MARCHF11: variants seen among roughly 807,000 people sequenced by gnomAD.
MARCHF11 encodes membrane associated ring-CH-type finger 11, also known as E3 ubiquitin-protein ligase MARCHF11.
In MARCHF11, 29 loss-of-function variants were observed where a neutral mutation model predicts 37.3. That is an observed-to-expected ratio of 0.78 (90% CI 0.58 to 1.06). The LOEUF (loss-of-function observed/expected upper bound fraction) is 1.06, where lower values mean the gene tolerates loss of function less well. Among genes scored for constraint, MARCHF11 ranks in the 50% least tolerant of loss-of-function variants. MARCHF11 has a pLI of 0.00. For missense variants in MARCHF11, 482 were observed against 533.4 expected, an observed-to-expected ratio of 0.90 and a Z score of 0.95; for synonymous variants, 233 against 228.0, an observed-to-expected ratio of 1.02 and a Z score of -0.20.
At chr5:16,090,851 T>A in intron 3 of MARCHF11, 38 bp downstream of exon 3, 1 of 1,403,034 alleles carries the variant, frequency 7.1e-7, no homozygotes, top group Non-Finnish European at 9.5e-7. Context: ...AGAAATGGAT[T>A]ACTGACAGTG....
chr5:16,169,338 G>C (rs2126609096), intron 2 of MARCHF11, among the ~76,000 whole-genome samples: 1 of 41,550 alleles, frequency 2.4e-5, no homozygotes, highest in Non-Finnish European at 8.2e-5. Context: ...ACCGAAAAGA[G>C]AAGAAAAACT....
At chr5:16,082,588 G>T (rs1274645447) in intron 3 of MARCHF11, among the ~76,000 whole-genome samples, 1 of 152,144 alleles carries the variant, frequency 6.6e-6, no homozygotes, top group Admixed American at 6.5e-5. Context: ...TAGTCAAATT[G>T]TGGTGCTCAG....
intron 2 of MARCHF11, among the ~76,000 whole-genome samples, chr5:16,091,349 TG>T (rs1288726732): frequency 6.6e-6 from 1 of 152,208 alleles, no homozygotes; most frequent in African/African-American, 2.4e-5. Flanking sequence ...TGAGTGTGAA[TG>T]GCTAAGGAAT....
intron 3 of MARCHF11, among the ~76,000 whole-genome samples, chr5:16,078,466 T>C (rs139273509): frequency 2.2e-3 from 333 of 152,278 alleles, no homozygotes; most frequent in African/African-American, 7.6e-3. Flanking sequence ...TTCATTTCTA[T>C]GCTCAGCCGT....
intron 3 of MARCHF11, among the ~76,000 whole-genome samples, chr5:16,088,074 G>A (rs370210445): frequency 3.3e-5 from 5 of 152,290 alleles, no homozygotes; most frequent in East Asian, 1.9e-4. Context: ...CTTTGAATGG[G>A]GAGCCAATCT....
intron 3 of MARCHF11, among the ~76,000 whole-genome samples, chr5:16,070,333 T>G (rs1736411041): frequency 6.6e-6 from 1 of 152,200 alleles, no homozygotes; most frequent in East Asian, 1.9e-4. Flanking sequence ...TTGGAATTCA[T>G]CAACTATGAA....
At chr5:16,087,161 C>A (rs1209947089) in intron 3 of MARCHF11, among the ~76,000 whole-genome samples, 1 of 152,164 alleles carries the variant, frequency 6.6e-6, no homozygotes, top group Non-Finnish European at 1.5e-5. Context: ...TTCTAATTTC[C>A]TTAAAACAGA....
chr5:16,109,386 T>C (rs1737099293), intron 2 of MARCHF11, among the ~76,000 whole-genome samples: 1 of 152,204 alleles, frequency 6.6e-6, no homozygotes, highest in Middle Eastern at 3.4e-3. Context: ...AATGATGTAA[T>C]CAATCATGCC....
At chr5:16,161,835 C>G (rs1204790059) in intron 2 of MARCHF11, among the ~76,000 whole-genome samples, 3 of 151,964 alleles carry the variant, frequency 2.0e-5, no homozygotes, top group African/African-American at 7.2e-5. Flanking sequence ...ATTACAGCCT[C>G]AAATATTCAT....
intron 2 of MARCHF11, among the ~76,000 whole-genome samples, chr5:16,147,359 G>C (rs576452519): frequency 5.3e-5 from 8 of 152,202 alleles, no homozygotes; most frequent in African/African-American, 1.9e-4. Flanking sequence ...CCGTGACGCA[G>C]TTACTACTAT....
At chr5:16,178,817 T>C (rs1738408646) in intron 1 of MARCHF11, among the ~76,000 whole-genome samples, 1 of 152,158 alleles carries the variant, frequency 6.6e-6, no homozygotes, top group Admixed American at 6.5e-5. Context: ...AAAGGAAGTG[T>C]AGATGAAATT....
intron 2 of MARCHF11, among the ~76,000 whole-genome samples, chr5:16,119,892 C>A (rs1433429160): frequency 6.6e-6 from 1 of 152,184 alleles, no homozygotes; most frequent in Admixed American, 6.5e-5. Flanking sequence ...CAAATGAATG[C>A]GCTTAAAATG....
At chr5:16,103,519 G>A (rs1736993175) in intron 2 of MARCHF11, among the ~76,000 whole-genome samples, 1 of 152,160 alleles carries the variant, frequency 6.6e-6, no homozygotes, top group Admixed American at 6.5e-5. Flanking sequence ...GAAGGATGTT[G>A]CAGAGATGTT....
At chr5:16,169,331 G>A (rs973724038) in intron 2 of MARCHF11, among the ~76,000 whole-genome samples, 1 of 109,936 alleles carries the variant, frequency 9.1e-6, no homozygotes, top group Non-Finnish European at 2.2e-5. Flanking sequence ...TCAGTATACC[G>A]AAAAGAGAAG....
chr5:16,162,339 T>C (rs1340450528), intron 2 of MARCHF11, among the ~76,000 whole-genome samples: 1 of 152,108 alleles, frequency 6.6e-6, no homozygotes, highest in Admixed American at 6.6e-5. Context: ...CATATTGATA[T>C]AAGCTGTAAA....
intron 2 of MARCHF11, among the ~76,000 whole-genome samples, chr5:16,116,961 G>A (rs1287441746): frequency 2.6e-5 from 4 of 152,174 alleles, no homozygotes; most frequent in Non-Finnish European, 5.9e-5. Flanking sequence ...ATTTCAAAAG[G>A]ACAGAGATAA....
chr5:16,158,624 G>T (rs1432194252), intron 2 of MARCHF11, among the ~76,000 whole-genome samples: 1 of 151,888 alleles, frequency 6.6e-6, no homozygotes, highest in Non-Finnish European at 1.5e-5. Context: ...TAAAATAAGG[G>T]TTAGACAGAA....
chr5:16,104,878 T>C (rs1278308329), intron 2 of MARCHF11, among the ~76,000 whole-genome samples: 1 of 151,974 alleles, frequency 6.6e-6, no homozygotes, highest in Non-Finnish European at 1.5e-5. Flanking sequence ...TGTATAATAG[T>C]AATTATTACA....
At chr5:16,088,917 A>G (rs1177898198) in intron 3 of MARCHF11, among the ~76,000 whole-genome samples, 1 of 152,196 alleles carries the variant, frequency 6.6e-6, no homozygotes, top group African/African-American at 2.4e-5. Flanking sequence ...TTGACTTTAT[A>G]AAATGGGCAA....
Sources: gnomAD v4.1 joint callset for allele counts (sites outside exome capture counted in the v4.1 genomes callset) on GRCh38, gnomAD v4.1.1 for gene constraint, MANE v1.5 for transcripts, NCBI Gene and HGNC (gene_info 2026-07-23, HGNC 2026-07-21) for gene names.